Variants in PIK3AP1 observed in about 807,000 individuals in gnomAD.
The protein encoded by PIK3AP1 is phosphoinositide-3-kinase adaptor protein 1.
Under a neutral mutation model 88.1 loss-of-function variants are expected in PIK3AP1, and 21 were observed. That is an observed-to-expected ratio of 0.24 (90% confidence interval 0.17 to 0.34). The LOEUF (loss-of-function observed/expected upper bound fraction) is 0.34, where lower values mean the gene tolerates loss of function less well. PIK3AP1 is among the 10% of genes least tolerant of loss of function. The pLI, the probability that PIK3AP1 is intolerant of heterozygous loss-of-function variation, is 1.00. For missense variants in PIK3AP1, 828 were observed against 1,035.7 expected (o/e 0.80, Z 2.75); for synonymous variants, 398 against 400.0 (o/e 1.00, Z 0.06).
chr10:96,715,135 G>A (rs1275586039), intron 1 of PIK3AP1, among the ~76,000 whole-genome samples: 1 of 152,140 alleles, frequency 6.6e-6, no homozygotes, highest in Admixed American at 6.5e-5. Flanking sequence ...ACCATGGGCC[G>A]AGACTGGCAC....
chr10:96,648,255 T>G (rs1589513201), intron 7 of PIK3AP1, among the ~76,000 whole-genome samples: 1 of 151,656 alleles, frequency 6.6e-6, no homozygotes, highest in African/African-American at 2.4e-5. Context: ...GGTGAGGAGG[T>G]GGGGGGAGAT....
At chr10:96,691,109 G>A (rs1844148596) in intron 2 of PIK3AP1, among the ~76,000 whole-genome samples, 3 of 152,020 alleles carry the variant, frequency 2.0e-5, no homozygotes, top group Admixed American at 2.0e-4. Context: ...TTCCCAGGTT[G>A]GAGTTCCCTC....
Position 96,652,854 on chromosome 10 carries a change from A to T in PIK3AP1, c.568-12T>A, listed in dbSNP as rs1382160295. 6.2e-7 allele frequency: 1 copy of T among 1,611,338 alleles called. No homozygotes were observed. The highest frequency in any genetic ancestry group is 2.2e-5 in the East Asian group (1 of 44,852). On this transcript the variant is annotated splice_polypyrimidine_tract_variant and intron_variant, in intron 3 of 16. Coordinates refer to ENST00000339364, the MANE Select transcript of PIK3AP1 (RefSeq NM_152309.3). ...ACAGTGGTTTCTGCCTGAAACGGGAAGCCGGTCATTGTCCCCTCTCCCTCT... is the reference window on the plus strand; with the variant it reads ...ACAGTGGTTTCTGCCTGAAACGGGATGCCGGTCATTGTCCCCTCTCCCTCT...
At chr10:96,713,436 GGAGCTTGCAGTGAGCCGA>G (rs1844463492) in intron 1 of PIK3AP1, among the ~76,000 whole-genome samples, 1 of 150,488 alleles carries the variant, frequency 6.6e-6, no homozygotes, top group Non-Finnish European at 1.5e-5. Context: ...CCTGGGAGGC[GGAGCTTGCAGTGAGCCGA>G]GATTGCGCCA....
At chr10:96,694,369 T>C (rs1361017703) in intron 2 of PIK3AP1, among the ~76,000 whole-genome samples, 1 of 152,168 alleles carries the variant, frequency 6.6e-6, no homozygotes, top group Non-Finnish European at 1.5e-5. Flanking sequence ...CAGTCTCATC[T>C]ATGCCACTAA....
intron 1 of PIK3AP1, among the ~76,000 whole-genome samples, chr10:96,718,726 A>G (rs1197709024): frequency 6.6e-6 from 1 of 152,094 alleles, no homozygotes; most frequent in African/African-American, 2.4e-5. Flanking sequence ...CCATTTTCTC[A>G]GACTCTTCCA....
chr10:96,656,488 T>C (rs533904418), intron 3 of PIK3AP1, among the ~76,000 whole-genome samples: 25 of 152,150 alleles, frequency 1.6e-4, no homozygotes, highest in Non-Finnish European at 3.2e-4. Flanking sequence ...GGCCTCTAAC[T>C]TTAGGGTTAG....
intron 1 of PIK3AP1, among the ~76,000 whole-genome samples, chr10:96,718,852 C>T (rs1258230540): frequency 2.6e-5 from 4 of 152,138 alleles, no homozygotes; most frequent in African/African-American, 9.7e-5. Flanking sequence ...CTCCCTCTCC[C>T]CCACAGCCCA....
rs78547446 is a variant in PIK3AP1 at position 96,691,289 on chromosome 10, C to G, written c.430+18278G>C. On this transcript the variant is annotated intron_variant, in intron 2 of 16. Coordinates refer to ENST00000339364, the MANE Select transcript of PIK3AP1 (RefSeq NM_152309.3). ...GGGTAAATGGAGTTTGTGTATAATA[C>G]AAGAAAGGATGTTATATCTTGCTAT... 9.6e-3 allele frequency among the ~76,000 whole-genome samples: 1,467 copies of G among 152,218 alleles called. 20 individuals carry two copies. Among genetic ancestry groups the G allele is most frequent in the African/African-American group, 0.034 (1,418 of 41,520 alleles).
intron 9 of PIK3AP1, 94 bp from the exon 10 acceptor site, chr10:96,626,999 C>T: frequency 3.4e-6 from 4 of 1,192,758 alleles, no homozygotes; most frequent in Non-Finnish European, 5.0e-6. Context: ...ACTTTGTTTC[C>T]TCAGTGCTGC....
intron 6 of PIK3AP1, among the ~76,000 whole-genome samples, chr10:96,649,436 A>C (rs1843507286): frequency 6.6e-6 from 1 of 152,226 alleles, no homozygotes; most frequent in African/African-American, 2.4e-5. Context: ...TACCAGTTCA[A>C]AATGTGCCGG....
chr10:96,667,292 C>T (rs7083114), intron 2 of PIK3AP1, among the ~76,000 whole-genome samples: 46,191 of 152,006 alleles, frequency 0.3, 7,104 homozygotes, highest in East Asian at 0.46. Flanking sequence ...AAAAGAATGA[C>T]GTTTGCTGAT....
In PIK3AP1 at chr10:96,645,490, G is replaced by T; in HGVS notation, c.1358C>A (p.Ala453Asp). The change falls in exon 8 of 17, where the codon GCT becomes GAT. Residue 453 changes from alanine to aspartate, a missense_variant. Transcript: ENST00000339364. ...CTACTTACAGAGGTCTTCAGTGGCA[G>T]CTGGGACAAAGGCAGCCATGGACTC... ...LYESMAAFVPAATEDLYVEML... is the reference protein window; with the variant it reads ...LYESMAAFVPDATEDLYVEML... 2 of 1,613,662 alleles carry T rather than the reference G, an allele frequency of 1.2e-6. No homozygotes were observed. The highest frequency in any genetic ancestry group is 1.7e-6 in the Non-Finnish European group (2 of 1,179,834).
At chr10:96,664,027 A>G (rs1026874059) in intron 2 of PIK3AP1, among the ~76,000 whole-genome samples, 4 of 152,214 alleles carry the variant, frequency 2.6e-5, no homozygotes, top group Admixed American at 1.3e-4. Context: ...CTTTCTGGAA[A>G]GCCATGTGTC....
At chr10:96,706,749 T>A (rs775954140) in intron 2 of PIK3AP1, among the ~76,000 whole-genome samples, 2 of 152,162 alleles carry the variant, frequency 1.3e-5, no homozygotes, top group African/African-American at 4.8e-5. Context: ...ACTGCCAGAC[T>A]CTGAGTATCA....
chr10:96,709,622 G>C lies in PIK3AP1; in HGVS notation c.375C>G (p.Thr125=). Residue 125 remains threonine, a synonymous_variant, in exon 2 of 17, where the codon ACC becomes ACG. Coordinates refer to ENST00000339364, the MANE Select transcript of PIK3AP1 (RefSeq NM_152309.3). ...CGTAGGTCTCTGGCTCATCGTCACA[G>C]GTGAGCTCCTGCCAATGGGCCCAAT... is the stretch of plus-strand genomic sequence containing the variant. The part of the protein sequence containing the change: ...FPDWAHWQEL[T]CDDEPETYVA... 6.2e-7 allele frequency: 1 copy of C among 1,614,154 alleles called. No homozygotes were observed. Among genetic ancestry groups the C allele is most frequent in the Non-Finnish European group, 8.5e-7 (1 of 1,180,014 alleles).
intron 2 of PIK3AP1, among the ~76,000 whole-genome samples, chr10:96,692,610 G>A (rs1379573351): frequency 6.6e-6 from 1 of 151,686 alleles, no homozygotes; most frequent in East Asian, 1.9e-4. Flanking sequence ...AGAAAGAAAT[G>A]TTATATTGTT....
chr10:96,625,745 C>A (rs1843146745), intron 10 of PIK3AP1, among the ~76,000 whole-genome samples: 2 of 152,032 alleles, frequency 1.3e-5, no homozygotes, highest in South Asian at 2.1e-4. Context: ...ACAGATCTGG[C>A]AATTCTTATT....
intron 1 of PIK3AP1, among the ~76,000 whole-genome samples, chr10:96,717,257 C>CA (rs1325729375): frequency 0.32 from 29,766 of 93,166 alleles, 4,252 homozygotes; most frequent in East Asian, 0.57. Flanking sequence ...GACTCCGTCT[C>CA]AAAAAAAAAA....
Sources: gnomAD v4.1 joint callset for allele counts (sites outside exome capture counted in the v4.1 genomes callset) on GRCh38, gnomAD v4.1.1 for gene constraint, MANE v1.5 for transcripts, NCBI Gene and HGNC (gene_info 2026-07-23, HGNC 2026-07-21) for gene names.